Variants in CTNNA2 observed in about 807,000 individuals in gnomAD.
The protein encoded by CTNNA2 is catenin alpha 2, also known as catenin alpha-2.
In CTNNA2, 42 loss-of-function variants were observed where a neutral mutation model predicts 101.0. That is an observed-to-expected ratio of 0.42 (90% confidence interval 0.32 to 0.54). The LOEUF (loss-of-function observed/expected upper bound fraction) is 0.54. Among genes scored for constraint, CTNNA2 ranks in the 20% least tolerant of loss-of-function variants. The pLI is 0.14. For synonymous variants in CTNNA2, 450 were observed against 456.4 expected, an observed-to-expected ratio of 0.99 and a Z score of 0.18; for missense variants, 871 against 1,223.1, an observed-to-expected ratio of 0.71 and a Z score of 4.29.
At chr2:79,530,655 G>A (rs1672681720) in intron 1 of CTNNA2, among the ~76,000 whole-genome samples, 1 of 152,188 alleles carries the variant, frequency 6.6e-6, no homozygotes, top group East Asian at 1.9e-4. Flanking sequence ...TGAGTAAGAA[G>A]TGGATCTCAC....
At position 80,575,853 on chromosome 2, in the gene CTNNA2, C is replaced by A. The variant is rs552751281; in HGVS notation, c.1893+1539C>A. 1.4e-4 allele frequency among the ~76,000 whole-genome samples: 21 copies of A among 152,140 alleles called. No individual in the cohort carries two copies. The South Asian group carries it at 3.7e-3, about 27-fold the overall frequency. ...CACATAAAGTGTCATTTCTCTATCT[C>A]GACATTTCAAGTAGTTTGATTAGAC... On this transcript the variant is annotated intron_variant, in intron 13 of 18. Coordinates refer to ENST00000402739, the MANE Select transcript of CTNNA2 (RefSeq NM_001282597.3).
At chr2:79,854,125 T>G (rs1453545018) in intron 3 of CTNNA2, among the ~76,000 whole-genome samples, 1 of 74,936 alleles carries the variant, frequency 1.3e-5, no homozygotes. Flanking sequence ...AGAGCACCAT[T>G]TTTTTTTTAT....
intron 1 of CTNNA2, among the ~76,000 whole-genome samples, chr2:79,535,570 A>G (rs1673006781): frequency 6.6e-6 from 1 of 152,160 alleles, no homozygotes; most frequent in African/African-American, 2.4e-5. Context: ...GTAAAACTTG[A>G]CATTTAAAAA....
At chr2:79,664,274 G>T (rs890259810) in intron 2 of CTNNA2, among the ~76,000 whole-genome samples, 51 of 151,922 alleles carry the variant, frequency 3.4e-4, no homozygotes, top group African/African-American at 1.2e-3. Flanking sequence ...AATTAGTTTT[G>T]CTTGACCTCT....
intron 7 of CTNNA2, among the ~76,000 whole-genome samples, chr2:80,351,636 A>G (rs1304708503): frequency 6.6e-6 from 1 of 152,108 alleles, no homozygotes; most frequent in Non-Finnish European, 1.5e-5. Flanking sequence ...TTTAACATGC[A>G]TGGGGGGTAA....
At chr2:79,600,828 A>G (rs1346001807) in intron 1 of CTNNA2, among the ~76,000 whole-genome samples, 1 of 152,010 alleles carries the variant, frequency 6.6e-6, no homozygotes, top group Admixed American at 6.5e-5. Context: ...ATACTGCCAT[A>G]TTCTCTTTGT....
intron 1 of CTNNA2, among the ~76,000 whole-genome samples, chr2:79,642,606 C>T (rs1053579060): frequency 6.6e-6 from 1 of 152,070 alleles, no homozygotes; most frequent in African/African-American, 2.4e-5. Flanking sequence ...AGTTTGGGCA[C>T]CAGACCAGGC....
intron 7 of CTNNA2, among the ~76,000 whole-genome samples, chr2:80,136,079 C>T (rs1017656564): frequency 6.6e-6 from 1 of 152,124 alleles, no homozygotes; most frequent in African/African-American, 2.4e-5. Flanking sequence ...CTACTGTGCA[C>T]AATGACAACG....
intron 4 of CTNNA2, among the ~76,000 whole-genome samples, chr2:79,491,511 A>G (rs1415077718): frequency 1.3e-5 from 2 of 152,212 alleles, no homozygotes; most frequent in Non-Finnish European, 2.9e-5. Context: ...GGGATTTATT[A>G]CTGGGAATTG....
At position 80,480,525 on chromosome 2, in the gene CTNNA2, G is replaced by GT. The variant is rs1266517654; in HGVS notation, c.1290+60925dup. Among the ~76,000 whole-genome samples, 3 of 152,270 alleles carry GT rather than the reference G, an allele frequency of 2.0e-5. No homozygotes were observed. The East Asian group carries it at 5.8e-4, about 29-fold the overall frequency. ...GCAGACTTGCCCCAGTCTATGAGAT[G>GT]TAAGTATCGTTGCTTGTGAGAAAAC... On this transcript the variant is annotated intron_variant, in intron 9 of 18. Transcript: ENST00000402739.
intron 7 of CTNNA2, among the ~76,000 whole-genome samples, chr2:80,351,099 AACAGAATAAAAG>A (rs1673246337): frequency 1.3e-5 from 2 of 152,130 alleles, no homozygotes; most frequent in African/African-American, 4.8e-5. Flanking sequence ...AACCATTGAG[AACAGAATAAAAG>A]AATAAAAAGA....
At chr2:79,504,383 G>A (rs898023715) in intron 4 of CTNNA2, among the ~76,000 whole-genome samples, 18 of 152,020 alleles carry the variant, frequency 1.2e-4, no homozygotes, top group Admixed American at 6.6e-4. Flanking sequence ...TCCGCCTCCC[G>A]GTTTCAAGCA....
At chr2:79,708,691 G>C (rs369353469) in intron 2 of CTNNA2, among the ~76,000 whole-genome samples, 1 of 146,230 alleles carries the variant, frequency 6.8e-6, no homozygotes, top group East Asian at 2.1e-4. Flanking sequence ...AACTCAATAA[G>C]AAAATAAATC....
chr2:80,199,360 CAT>C (rs1209402593), intron 7 of CTNNA2, among the ~76,000 whole-genome samples: 1 of 152,048 alleles, frequency 6.6e-6, no homozygotes, highest in African/African-American at 2.4e-5. Flanking sequence ...AGAGTTAAGA[CAT>C]AGAGGGTTTT....
chr2:80,490,405 G>A lies in CTNNA2; in HGVS notation c.1291-54577G>A, dbSNP rs148515013. Among the ~76,000 whole-genome samples, 890 of 151,590 alleles carry A rather than the reference G, an allele frequency of 5.9e-3. 30 individuals carry two copies. Among genetic ancestry groups the A allele is most frequent in the Admixed American group, 0.051 (779 of 15,182 alleles). On this transcript the variant is annotated intron_variant, in intron 9 of 18. Coordinates refer to ENST00000402739, the MANE Select transcript of CTNNA2 (RefSeq NM_001282597.3). ...TCAAAAGGAGAAACAGACAAAGTGCGAATGAATGATTGTAGCTGTGCTAAA... is the reference window on the plus strand; with the variant it reads ...TCAAAAGGAGAAACAGACAAAGTGCAAATGAATGATTGTAGCTGTGCTAAA...
intron 3 of CTNNA2, among the ~76,000 whole-genome samples, chr2:79,329,931 G>A (rs568169739): frequency 6.6e-6 from 1 of 152,162 alleles, no homozygotes; most frequent in East Asian, 1.9e-4. Flanking sequence ...CCTGCAATTT[G>A]CCCCAGCAGG....
chr2:80,634,612 A>G (rs909521302), intron 18 of CTNNA2, among the ~76,000 whole-genome samples: 2 of 152,092 alleles, frequency 1.3e-5, no homozygotes, highest in African/African-American at 4.8e-5. Context: ...AGTTCATGTA[A>G]CAGGATCGTT....
intron 9 of CTNNA2, among the ~76,000 whole-genome samples, chr2:80,513,294 C>A (rs1367329560): frequency 6.6e-6 from 1 of 152,128 alleles, no homozygotes; most frequent in Non-Finnish European, 1.5e-5. Context: ...CAGTTTTTTC[C>A]TCCAGGCCAA....
At chr2:79,950,733 C>T (rs553658252) in intron 7 of CTNNA2, among the ~76,000 whole-genome samples, 44 of 152,246 alleles carry the variant, frequency 2.9e-4, no homozygotes, top group African/African-American at 6.0e-4. Context: ...AGCAGGCACT[C>T]GGGATTTTTG....
Sources: gnomAD v4.1 joint callset for allele counts (sites outside exome capture counted in the v4.1 genomes callset) on GRCh38, gnomAD v4.1.1 for gene constraint, MANE v1.5 for transcripts, NCBI Gene and HGNC (gene_info 2026-07-23, HGNC 2026-07-21) for gene names.